The following CPNE8 variants were observed in gnomAD, a reference collection of about 807,000 sequenced individuals.
CPNE8 encodes copine-8.
Under a neutral mutation model 81.5 loss-of-function variants are expected in CPNE8, and 45 were observed. That is an observed-to-expected ratio of 0.55 (90% CI 0.44 to 0.71). The LOEUF (loss-of-function observed/expected upper bound fraction) is 0.71. CPNE8 is among the 30% of genes least tolerant of loss of function. The pLI is 0.00. For synonymous variants in CPNE8, 252 were observed against 226.3 expected (o/e 1.11, Z -1.02); for missense variants, 594 against 672.1 (o/e 0.88, Z 1.28).
chr12:38,773,790 C>T (rs1013092028), intron 7 of CPNE8, among the ~76,000 whole-genome samples: 1 of 152,010 alleles, frequency 6.6e-6, no homozygotes, highest in Non-Finnish European at 1.5e-5. Context: ...TAACTATGAA[C>T]ATTTCTTTGA....
At chr12:38,682,110 C>T (rs1318606453) in intron 16 of CPNE8, among the ~76,000 whole-genome samples, 1 of 152,078 alleles carries the variant, frequency 6.6e-6, no homozygotes, top group Non-Finnish European at 1.5e-5. Flanking sequence ...TTCCCAGCTA[C>T]TCGGGAGGCT....
intron 6 of CPNE8, among the ~76,000 whole-genome samples, chr12:38,811,732 T>G (rs1252608888): frequency 6.6e-6 from 1 of 152,102 alleles, no homozygotes; most frequent in Non-Finnish European, 1.5e-5. Context: ...ATTAGCTGGG[T>G]GTGGTGGTGC....
chr12:38,719,388 G>A (rs557687253), intron 13 of CPNE8, among the ~76,000 whole-genome samples: 9 of 152,086 alleles, frequency 5.9e-5, no homozygotes, highest in Admixed American at 5.2e-4. Context: ...CAGATCACTC[G>A]AGGCCAGGAG....
intron 6 of CPNE8, among the ~76,000 whole-genome samples, chr12:38,810,558 CA>C (rs770000505): frequency 6.6e-6 from 1 of 152,098 alleles, no homozygotes; most frequent in African/African-American, 2.4e-5. Flanking sequence ...ACATGTTCTT[CA>C]AAATTCTCCC....
At chr12:38,655,697 G>A (rs1172316316) in intron 19 of CPNE8, among the ~76,000 whole-genome samples, 1 of 152,012 alleles carries the variant, frequency 6.6e-6, no homozygotes, top group East Asian at 1.9e-4. Flanking sequence ...GGTTGCTACA[G>A]GTAAACCAAG....
At chr12:38,792,585 C>A (rs1942351983) in intron 6 of CPNE8, among the ~76,000 whole-genome samples, 1 of 151,478 alleles carries the variant, frequency 6.6e-6, no homozygotes, top group African/African-American at 2.4e-5. Flanking sequence ...AATCAATAAT[C>A]AAAAAACCTC....
At chr12:38,762,082 G>T in intron 9 of CPNE8, 30 bp downstream of exon 9, 1 of 1,127,550 alleles carries the variant, frequency 8.9e-7, no homozygotes, top group Non-Finnish European at 1.2e-6. Context: ...AAAGTTATTT[G>T]AAGATTTTTG....
intron 5 of CPNE8, among the ~76,000 whole-genome samples, chr12:38,833,479 C>T (rs1175468914): frequency 1.5e-5 from 2 of 130,718 alleles, no homozygotes; most frequent in African/African-American, 2.8e-5. Context: ...TGAAATTAAC[C>T]TTTTTTTTTT....
chr12:38,774,622 T>A (rs1481179916), intron 7 of CPNE8, among the ~76,000 whole-genome samples: 4 of 151,748 alleles, frequency 2.6e-5, no homozygotes, highest in African/African-American at 9.7e-5. Flanking sequence ...ATTTTTTTTT[T>A]AAATAGTCTA....
intron 6 of CPNE8, among the ~76,000 whole-genome samples, chr12:38,808,861 A>C (rs1942877619): frequency 6.6e-6 from 1 of 152,196 alleles, no homozygotes; most frequent in East Asian, 1.9e-4. Context: ...GTTATAAACA[A>C]ATATTTTATA....
chr12:38,787,640 A>T (rs1316047436), intron 6 of CPNE8, among the ~76,000 whole-genome samples: 1 of 151,876 alleles, frequency 6.6e-6, no homozygotes, highest in African/African-American at 2.4e-5. Flanking sequence ...ACAAAAATAC[A>T]AAAGCTCAAT....
chr12:38,671,392 A>G (rs1053653084), intron 18 of CPNE8, among the ~76,000 whole-genome samples: 5 of 152,128 alleles, frequency 3.3e-5, no homozygotes, highest in Non-Finnish European at 5.9e-5. Context: ...ATTTTTCTGA[A>G]GTACAATTTT....
intron 6 of CPNE8, among the ~76,000 whole-genome samples, chr12:38,784,189 C>A (rs955679603): frequency 6.6e-6 from 1 of 152,090 alleles, no homozygotes; most frequent in Non-Finnish European, 1.5e-5. Flanking sequence ...AAGCATCAAA[C>A]AAAAATTCTG....
chr12:38,769,104 T>C (rs550925488), intron 7 of CPNE8, among the ~76,000 whole-genome samples: 1 of 152,184 alleles, frequency 6.6e-6, no homozygotes, highest in Admixed American at 6.5e-5. Context: ...TAGCAAACAT[T>C]TAGCAAGCAA....
chr12:38,817,685 T>A (rs1943049061), intron 6 of CPNE8, among the ~76,000 whole-genome samples: 1 of 141,070 alleles, frequency 7.1e-6, no homozygotes, highest in African/African-American at 2.6e-5. Context: ...GTGCAGTGGT[T>A]CGATCTCAGC....
intron 7 of CPNE8, among the ~76,000 whole-genome samples, chr12:38,768,889 G>C (rs892090629): frequency 1.2e-4 from 19 of 152,032 alleles, no homozygotes; most frequent in African/African-American, 4.6e-4. Context: ...AAACAAAGAG[G>C]TTACAATTTT....
chr12:38,718,263 G>A (rs1940459430), intron 13 of CPNE8, among the ~76,000 whole-genome samples: 1 of 152,148 alleles, frequency 6.6e-6, no homozygotes, highest in Admixed American at 6.5e-5. Flanking sequence ...AGACCAAGGT[G>A]TGAATATTGC....
At chr12:38,704,836 A>ATG (rs1555145211) in intron 13 of CPNE8, among the ~76,000 whole-genome samples, 1 of 43,644 alleles carries the variant, frequency 2.3e-5, no homozygotes, top group African/African-American at 7.0e-5. Flanking sequence ...GTATATATAT[A>ATG]TATATATATA....
intron 7 of CPNE8, among the ~76,000 whole-genome samples, chr12:38,768,668 C>T (rs759069621): frequency 6.6e-6 from 1 of 151,722 alleles, no homozygotes; most frequent in African/African-American, 2.4e-5. Flanking sequence ...TACAGGCACA[C>T]GCTGCCACGC....
Sources: allele counts gnomAD v4.1 joint callset (sites outside exome capture counted in the v4.1 genomes callset), GRCh38; gene constraint gnomAD v4.1.1; transcripts MANE v1.5; gene names NCBI Gene and HGNC (gene_info 2026-07-23, HGNC 2026-07-21).